Variants in LMLN observed in about 807,000 individuals in gnomAD.
The protein encoded by LMLN is leishmanolysin-like peptidase.
Under a neutral mutation model 92.3 loss-of-function variants are expected in LMLN, and 70 were observed. The ratio of observed to expected loss-of-function variants is 0.76; its 90% CI spans 0.63 to 0.92. The LOEUF (loss-of-function observed/expected upper bound fraction) is 0.92. Among genes scored for constraint, LMLN ranks in the 40% least tolerant of loss-of-function variants. The probability of loss-of-function intolerance (pLI) is 0.00; values close to 1 mark genes in which losing one functional copy is unlikely to be tolerated. For synonymous variants in LMLN, 308 were observed against 296.2 expected (o/e 1.04, Z -0.41); for missense variants, 691 against 814.6 (o/e 0.85, Z 1.85).
chr3:197,980,843 C>T (rs1721536714), intron 6 of LMLN: 1 of 202,408 alleles, frequency 4.9e-6, no homozygotes, highest in Non-Finnish European at 1.0e-5. Flanking sequence ...TGGTGGCTCA[C>T]GCCTGTAATC....
chr3:197,992,079 GA>G (rs150712299), intron 9 of LMLN, among the ~76,000 whole-genome samples: 8,841 of 134,664 alleles, frequency 0.066, 345 homozygotes, highest in African/African-American at 0.11. Flanking sequence ...GTCAGGGTGA[GA>G]CCCTGTCTCA....
intron 11 of LMLN, 57 bp from the exon 12 acceptor site, chr3:198,002,958 T>C (rs1007585348): frequency 2.1e-6 from 2 of 930,428 alleles, no homozygotes; most frequent in South Asian, 1.5e-5. Context: ...ATTGTTATGC[T>C]AGAGTTGTTT....
At chr3:197,993,221 A>G (rs2109887502) in intron 9 of LMLN, among the ~76,000 whole-genome samples, 1 of 152,254 alleles carries the variant, frequency 6.6e-6, no homozygotes, top group African/African-American at 2.4e-5. Flanking sequence ...AAGATCTGGA[A>G]CACTCTTACC....
exon 1 of LMLN, chr3:197,960,270 G>C (rs771278671): frequency 6.2e-7 from 1 of 1,613,372 alleles, no homozygotes; most frequent in African/African-American, 1.3e-5. Context: ...GGGCGGAGGA[G>C]TGGGTTACTC....
At chr3:197,991,215 T>C (rs747702683) in intron 9 of LMLN, among the ~76,000 whole-genome samples, 2 of 151,382 alleles carry the variant, frequency 1.3e-5, no homozygotes, top group Non-Finnish European at 2.9e-5. Context: ...GTGATCCTCC[T>C]ACTTCTGCCT....
intron 5 of LMLN, among the ~76,000 whole-genome samples, chr3:197,979,529 A>T (rs1053304110): frequency 4.6e-5 from 7 of 152,136 alleles, no homozygotes; most frequent in South Asian, 2.1e-4. Context: ...TATTTAAAAA[A>T]TTTTTAGGCT....
At chr3:197,967,645 A>G (rs558641543) in intron 1 of LMLN, among the ~76,000 whole-genome samples, 95 of 152,310 alleles carry the variant, frequency 6.2e-4, no homozygotes, top group African/African-American at 2.2e-3. Context: ...ATCTTAAACA[A>G]CAGAAAACAG....
chr3:197,978,889 G>A (rs1721477288), intron 5 of LMLN, among the ~76,000 whole-genome samples: 1 of 152,126 alleles, frequency 6.6e-6, no homozygotes, highest in East Asian at 1.9e-4. Flanking sequence ...TCCTCAGGAG[G>A]CTGAGGCAGG....
At chr3:197,964,330 T>A (rs1720986284) in intron 1 of LMLN, among the ~76,000 whole-genome samples, 1 of 152,116 alleles carries the variant, frequency 6.6e-6, no homozygotes, top group African/African-American at 2.4e-5. Flanking sequence ...CAACTTTAGC[T>A]GCTCTTCACA....
chr3:198,033,552 C>T (rs1723132012), intron 14 of LMLN, among the ~76,000 whole-genome samples: 1 of 151,922 alleles, frequency 6.6e-6, no homozygotes, highest in Non-Finnish European at 1.5e-5. Flanking sequence ...GAGTAGCCCA[C>T]CATTACGCCT....
At chr3:197,995,337 A>G (rs1721987923) in intron 9 of LMLN, among the ~76,000 whole-genome samples, 1 of 152,198 alleles carries the variant, frequency 6.6e-6, no homozygotes, top group African/African-American at 2.4e-5. Flanking sequence ...AGTTATGGGG[A>G]AATCAACAGT....
At chr3:198,016,974 T>C (rs533752403) in intron 11 of LMLN, among the ~76,000 whole-genome samples, 28 of 152,120 alleles carry the variant, frequency 1.8e-4, no homozygotes, top group African/African-American at 6.5e-4. Context: ...CTACAGAAAG[T>C]AAATGAGCAT....
chr3:197,967,877 C>T (rs184462691), intron 1 of LMLN, among the ~76,000 whole-genome samples: 8 of 152,202 alleles, frequency 5.3e-5, no homozygotes, highest in East Asian at 1.9e-4. Context: ...AAGAATTTAG[C>T]GATATCTTCC....
chr3:198,038,839 CTCATCAGCAACCCAACCACCT>C (rs1406419194), exon 16 of LMLN: 77 of 560,286 alleles, frequency 1.4e-4, no homozygotes, highest in East Asian at 8.1e-4. Flanking sequence ...GCAGCCTGTC[CTCATCAGCAACCCAACCACCT>C]TCATCAGCAA....
intron 1 of LMLN, among the ~76,000 whole-genome samples, chr3:197,966,418 T>G (rs1418646115): frequency 6.6e-6 from 1 of 152,330 alleles, no homozygotes; most frequent in East Asian, 1.9e-4. Flanking sequence ...GTAGACATCC[T>G]TGTCTTGTTT....
At chr3:197,984,156 C>T in intron 7 of LMLN, 108 bp downstream of exon 7, 2 of 662,826 alleles carry the variant, frequency 3.0e-6, no homozygotes, top group South Asian at 3.8e-5. Flanking sequence ...TTCCTAGACT[C>T]ATGTTCGTGC....
In LMLN at chr3:197,975,541, GCACA is replaced by G. The variant is rs1348612443; in HGVS notation, c.348+476_349-478del. Among the ~76,000 whole-genome samples, 4 of 151,848 alleles carry G rather than the reference GCACA, an allele frequency of 2.6e-5. No homozygotes were observed. The East Asian group carries it at 7.8e-4, about 29-fold the overall frequency. On this transcript the variant is annotated intron_variant, in intron 3 of 15. Coordinates refer to ENST00000330198, the Ensembl canonical transcript of LMLN. The stretch of plus-strand genomic sequence containing the variant: ...CACATGCGCACATGCACGCACACAT[GCACA>G]CACACAAAGCCAGTTCACTATGGGC...
intron 6 of LMLN, 131 bp from the exon 7 acceptor site, chr3:197,983,812 G>A (rs1353311485): frequency 1.7e-6 from 1 of 578,372 alleles, no homozygotes; most frequent in Non-Finnish European, 3.1e-6. Context: ...AAGTAAGATA[G>A]TGATGGTACA....
chr3:198,035,710 C>A, intron 14 of LMLN, 123 bp from the exon 16 acceptor site: 1 of 807,328 alleles, frequency 1.2e-6, no homozygotes, highest in South Asian at 2.0e-5. Context: ...GCAAATTGTG[C>A]TTTATAGCCA....
Sources: allele counts gnomAD v4.1 joint callset (sites outside exome capture counted in the v4.1 genomes callset), GRCh38; gene constraint gnomAD v4.1.1; transcripts MANE v1.5; gene names NCBI Gene and HGNC (gene_info 2026-07-23, HGNC 2026-07-21).